The following WRAP53 variants were observed in gnomAD, a reference collection of about 807,000 sequenced individuals.
WRAP53 encodes the protein telomerase Cajal body protein 1.
A neutral mutation model predicts 56.6 loss-of-function variants in WRAP53; 28 were observed. The ratio of observed to expected loss-of-function variants is 0.50; its 90% CI spans 0.37 to 0.68. The LOEUF (loss-of-function observed/expected upper bound fraction) is 0.68, where lower values mean the gene tolerates loss of function less well. WRAP53 is among the 30% of genes least tolerant of loss of function. The pLI is 0.00. For synonymous variants in WRAP53, 283 were observed against 283.4 expected, an observed-to-expected ratio of 1.00 and a Z score of 0.01; for missense variants, 671 against 715.5, an observed-to-expected ratio of 0.94 and a Z score of 0.71.
Position 7,701,698 on chromosome 17 carries a change from T to C in WRAP53, c.864T>C (p.Asp288=). The change falls in exon 7 of 11, where the codon GAT becomes GAC. Residue 288 remains aspartate (D), a synonymous_variant. Transcript: ENST00000396463. This position sits in a 1 kb window ranked among gnomAD's most constrained non-coding sequence, Gnocchi z 4.2. ...CCCATTCGCTCTGCTTCTCCCCGGATGGCTCCCAGCTCTTCTGTGGCTTCA... is the reference window on the plus strand; with the variant it reads ...CCCATTCGCTCTGCTTCTCCCCGGACGGCTCCCAGCTCTTCTGTGGCTTCA... ...TAAHSLCFSP[D]GSQLFCGFNR... The C allele has an allele frequency of 6.2e-7, 1 of 1,614,242 alleles. No individual in the cohort carries two copies. The highest frequency in any genetic ancestry group is 8.5e-7 in the Non-Finnish European group (1 of 1,180,034).
intron 4 of WRAP53, among the ~76,000 whole-genome samples, chr17:7,697,320 CAAAA>C (rs71159522): frequency 2.1e-5 from 2 of 95,022 alleles, no homozygotes; most frequent in African/African-American, 3.7e-5. Flanking sequence ...ACTCTGCCTC[CAAAA>C]AAAAAAAAAG....
rs987674255 is a variant in WRAP53, at chr17:7,702,939, G to C, written c.1269-54G>C. The C allele has an allele frequency of 1.9e-6, 3 of 1,612,710 alleles. No homozygotes were observed. Among genetic ancestry groups the C allele is most frequent in the Admixed American group, 3.3e-5 (2 of 59,998 alleles). ...GGGTCCCAGTCCCTGGGTGTGAGGG[G>C]TTCCTGCCCCAGGGGTGAGGCCTCT... On this transcript the variant is annotated intron_variant, in intron 9 of 10. Transcript: ENST00000396463. This position sits in a 1 kb window ranked among gnomAD's most constrained non-coding sequence, Gnocchi z 5.0.
rs1567571039 is a variant in WRAP53 at position 7,689,099 on chromosome 17, G to C, written c.431+20G>C. On this transcript the variant is annotated intron_variant, in intron 2 of 10. Coordinates refer to ENST00000396463, the MANE Select transcript of WRAP53 (RefSeq NM_001143992.2). Reference sequence around the variant, plus strand: ...AGACACGTAAGTGGTGATGGCAGTGGAGTGTGGAGTCTGGGGAGATGAAGT... The same window carrying C: ...AGACACGTAAGTGGTGATGGCAGTGCAGTGTGGAGTCTGGGGAGATGAAGT... 1.2e-6 allele frequency: 2 copies of C among 1,614,150 alleles called. No homozygotes were observed. Among genetic ancestry groups the C allele is most frequent in the African/African-American group, 2.7e-5 (2 of 75,030 alleles).
At chr17:7,686,453 A>C (rs533128966), upstream of WRAP53, 1 of 152,294 alleles carries the variant, frequency 6.6e-6, no homozygotes, top group Admixed American at 6.5e-5. Context: ...CACACCATTC[A>C]AAGAAGGGGA....
At chr17:7,694,242 CTTTTT>C (rs749740076) in intron 4 of WRAP53, among the ~76,000 whole-genome samples, 5 of 122,572 alleles carry the variant, frequency 4.1e-5, no homozygotes, top group Non-Finnish European at 4.9e-5. Flanking sequence ...TTTTTTCTTT[CTTTTT>C]TTTTTTTTTT....
Position 7,689,583 on chromosome 17 carries a change from T to C in WRAP53, c.531-7T>C. 1 of 1,613,644 alleles carries C rather than the reference T, an allele frequency of 6.2e-7. No homozygotes were observed. Among genetic ancestry groups the C allele is most frequent in the Non-Finnish European group, 8.5e-7 (1 of 1,179,606 alleles). On this transcript the variant is annotated splice_polypyrimidine_tract_variant and splice_region_variant and intron_variant, in intron 3 of 10. Transcript: ENST00000396463. ...TGGCCAGCTTTCTAACTCTCCCCTG[T>C]TTCTAGGGCTCCTGACGGTTCCTGC...
At position 7,701,614 on chromosome 17, in the gene WRAP53, T is replaced by C. The variant is rs748252466; in HGVS notation, c.823-43T>C. On this transcript the variant is annotated intron_variant, in intron 6 of 10. Transcript: ENST00000396463. The surrounding 1 kb of genome is among the most constrained non-coding windows in gnomAD (Gnocchi z 4.2). ...CCGGCTCTCCTTCCTTGAGGGCAGC[T>C]GAGGCTTTGCAAGACCTGTTTTCAG... 6 of 1,614,258 alleles carry C rather than the reference T, an allele frequency of 3.7e-6. No individual in the cohort carries two copies. In the South Asian group the frequency reaches 6.6e-5, roughly 18 times the overall value.
rs1216694599 is a variant in WRAP53 at position 7,701,477 on chromosome 17, G to A, written c.750G>A (p.Arg250=). The A allele has an allele frequency of 1.9e-6, 3 of 1,614,228 alleles. No individual in the cohort carries two copies. Among genetic ancestry groups the A allele is most frequent in the Admixed American group, 1.7e-5 (1 of 60,024 alleles). Residue 250 remains arginine (R), a synonymous_variant, in exon 6 of 11, where the codon CGG becomes CGA. Coordinates refer to ENST00000396463, the MANE Select transcript of WRAP53 (RefSeq NM_001143992.2). This position sits in a 1 kb window ranked among gnomAD's most constrained non-coding sequence, Gnocchi z 4.2. The stretch of plus-strand genomic sequence containing the variant: ...CTCTCAGCGTGGCCAGCAGCAGCCG[G>A]GAGAACCCGATTCATATCTGGGACG... ...PDTSYVASSS[R]ENPIHIWDAF...
chr17:7,689,796 A>AGG, intron 4 of WRAP53, 95 bp downstream of exon 4: 2 of 1,023,176 alleles, frequency 2.0e-6, no homozygotes, highest in Non-Finnish European at 3.0e-6. Flanking sequence ...TCCTGTTCAC[A>AGG]AACGGGACTG....
rs1251857843 is a variant in WRAP53, at chr17:7,700,773, C to A, written c.675C>A (p.Thr225=). ...TCCTTCGAATGGTGGAAGGTGATAC[C>A]ATCTATGATTACTGCTGGTATTCTC... ...VPVLRMVEGD[T]IYDYCWYSLM... The change falls in exon 5 of 11, where the codon ACC becomes ACA. Residue 225 remains threonine, a synonymous_variant. Coordinates refer to ENST00000396463, the MANE Select transcript of WRAP53 (RefSeq NM_001143992.2). The A allele has an allele frequency of 2.5e-6, 4 of 1,613,128 alleles. No homozygotes were observed. Among genetic ancestry groups the A allele is most frequent in the Non-Finnish European group, 3.4e-6 (4 of 1,179,360 alleles).
intron 4 of WRAP53, among the ~76,000 whole-genome samples, chr17:7,697,798 C>T (rs2074206301): frequency 6.6e-6 from 1 of 151,966 alleles, no homozygotes; most frequent in Non-Finnish European, 1.5e-5. Flanking sequence ...TAATGAAATA[C>T]CATTTCACCA....
chr17:7,689,208 C>T lies in WRAP53; in HGVS notation c.432-16C>T. ...GCTTGGCGACCCAGGTTTATTGTCC[C>T]CCATCTTCCTTTCAGCGCTTGGAAC... On this transcript the variant is annotated splice_polypyrimidine_tract_variant and intron_variant, in intron 2 of 10. Coordinates refer to ENST00000396463, the MANE Select transcript of WRAP53 (RefSeq NM_001143992.2). The T allele has an allele frequency of 6.2e-7, 1 of 1,613,778 alleles. No homozygotes were observed. Among genetic ancestry groups the T allele is most frequent in the Non-Finnish European group, 8.5e-7 (1 of 1,179,956 alleles).
rs2074297924 is a variant in WRAP53, at chr17:7,703,122, C to T, written c.1398C>T (p.Gly466=). The T allele has an allele frequency of 1.2e-6, 2 of 1,614,048 alleles. No homozygotes were observed. The highest frequency in any genetic ancestry group is 8.5e-7 in the Non-Finnish European group (1 of 1,180,018). Reference sequence around the variant, plus strand: ...TGCCCCAGAAGGACTGCACCAATGGCGTGAGGTCCTCAGTTCAATTCCAGA... The same window carrying T: ...TGCCCCAGAAGGACTGCACCAATGGTGTGAGGTCCTCAGTTCAATTCCAGA... ...SFLPQKDCTN[G]VSLHPSLPLL... Residue 466 remains glycine, a synonymous_variant, in exon 10 of 11, where the codon GGC becomes GGT. Coordinates refer to ENST00000396463, the MANE Select transcript of WRAP53 (RefSeq NM_001143992.2).
chr17:7,687,614 C>A (rs2074031370), upstream of WRAP53: 3 of 398,848 alleles, frequency 7.5e-6, no homozygotes, highest in Non-Finnish European at 1.3e-5. Context: ...GCAAGTAATC[C>A]GCCTGCCGGA....
chr17:7,687,861 A>AT (rs1462796418), upstream of WRAP53: 5 of 365,098 alleles, frequency 1.4e-5, no homozygotes, highest in Non-Finnish European at 2.4e-5. Context: ...TTAAAATGTC[A>AT]TTTTTTAGGA....
chr17:7,701,456 C>T lies in WRAP53; in HGVS notation c.732-3C>T. On this transcript the variant is annotated splice_polypyrimidine_tract_variant and splice_region_variant and intron_variant, in intron 5 of 10. Transcript: ENST00000396463. The surrounding 1 kb of genome is among the most constrained non-coding windows in gnomAD (Gnocchi z 4.2). ...GGGGTTTCAGTGTCCATGTCTCTCT[C>T]AGCGTGGCCAGCAGCAGCCGGGAGA... is the stretch of plus-strand genomic sequence containing the variant. 1 of 1,614,232 alleles carries T rather than the reference C, an allele frequency of 6.2e-7. No individual in the cohort carries two copies. Among genetic ancestry groups the T allele is most frequent in the Non-Finnish European group, 8.5e-7 (1 of 1,180,052 alleles).
upstream of WRAP53, chr17:7,686,466 G>T (rs1292268901): frequency 1.3e-5 from 2 of 152,190 alleles, no homozygotes; most frequent in Non-Finnish European, 2.9e-5. Context: ...GAAGGGGAGG[G>T]ATTGAGGTTT....
chr17:7,701,723 A>T lies in WRAP53; in HGVS notation c.889A>T (p.Asn297Tyr). The change falls in exon 7 of 11, where the codon AAC becomes TAC. Residue 297 changes from asparagine to tyrosine, a missense_variant. Asn to Tyr is a moderately radical substitution (Grantham distance 143, BLOSUM62 -2). Around this residue, in one of 3 missense-constraint regions of WRAP53, gnomAD observed 406 missense variants for 418.5 expected, o/e 0.97. Coordinates refer to ENST00000396463, the MANE Select transcript of WRAP53 (RefSeq NM_001143992.2). This position sits in a 1 kb window ranked among gnomAD's most constrained non-coding sequence, Gnocchi z 4.2. ...TGGCTCCCAGCTCTTCTGTGGCTTC[A>T]ACCGGACTGTGCGTGTTTTTTCCAC... is the stretch of plus-strand genomic sequence containing the variant. ...PDGSQLFCGF[N>Y]RTVRVFSTAR... 6.2e-7 allele frequency: 1 copy of T among 1,614,170 alleles called. No individual in the cohort carries two copies. Among genetic ancestry groups the T allele is most frequent in the Non-Finnish European group, 8.5e-7 (1 of 1,180,024 alleles).
In WRAP53 at chr17:7,689,462, G is replaced by A. The variant is rs2287497; in HGVS notation, c.531-128G>A. On this transcript the variant is annotated intron_variant, in intron 3 of 10. Transcript: ENST00000396463. ...TTAGACTGAGCTTACATTTTATCTAGCAGTTTGTGTCTTCTACTTCCCTCA... is the reference window on the plus strand; with the variant it reads ...TTAGACTGAGCTTACATTTTATCTAACAGTTTGTGTCTTCTACTTCCCTCA... 175,167 of 1,246,102 alleles carry A rather than the reference G, an allele frequency of 0.14. 21,122 individuals are homozygous for A. Among genetic ancestry groups the A allele is most frequent in the African/African-American group, 0.57 (38,081 of 67,206 alleles). 77.2% of individuals were successfully genotyped at this position (1,246,102 alleles called of 1,614,324 possible). A position where few individuals can be genotyped will look rare whatever the true frequency, so the allele number is the denominator to read the frequency against.
Sources: allele counts gnomAD v4.1 joint callset (sites outside exome capture counted in the v4.1 genomes callset), GRCh38; gene constraint gnomAD v4.1.1; regional missense constraint gnomAD v4.1.1; non-coding constraint Gnocchi (gnomAD v3.1); transcripts MANE v1.5; gene names NCBI Gene and HGNC (gene_info 2026-07-23, HGNC 2026-07-21).